GK5: variants seen among roughly 807,000 people sequenced by gnomAD.
GK5 encodes the protein glycerol kinase 5, also known as ATP:glycerol 3-phosphotransferase 5.
In GK5, 39 loss-of-function variants were observed where a neutral mutation model predicts 77.3. The observed-to-expected ratio is 0.50, with a 90% CI of 0.39 to 0.66. GK5 has a LOEUF of 0.66. Ranked by LOEUF, GK5 falls within the 30% of genes least tolerant of loss-of-function variation. GK5 has a pLI of 0.00. For synonymous variants in GK5, 211 were observed against 208.0 expected (o/e 1.01, Z -0.13); for missense variants, 487 against 633.8 (o/e 0.77, Z 2.49).
intron 10 of GK5, 80 bp downstream of exon 10, chr3:142,182,843 A>G (rs1253758067): frequency 3.2e-6 from 3 of 930,512 alleles, no homozygotes; most frequent in Non-Finnish European, 4.9e-6. Context: ...AAAATGGGAA[A>G]ATAGTATAAG....
chr3:142,177,285 C>T (rs1030208107), intron 12 of GK5, among the ~76,000 whole-genome samples, 197 bp downstream of exon 12: 7 of 152,208 alleles, frequency 4.6e-5, no homozygotes, highest in African/African-American at 1.7e-4. Flanking sequence ...GCCAGCAGGG[C>T]CACATTCAGG....
At chr3:142,218,273 C>T (rs2064299793) in intron 1 of GK5, among the ~76,000 whole-genome samples, 2 of 150,892 alleles carry the variant, frequency 1.3e-5, no homozygotes, top group South Asian at 4.2e-4. Flanking sequence ...TGGCTCACGC[C>T]TGTAATCCCA....
At chr3:142,168,632 T>C (rs1017120018) in intron 15 of GK5, among the ~76,000 whole-genome samples, 8 of 152,236 alleles carry the variant, frequency 5.3e-5, no homozygotes, top group African/African-American at 1.7e-4. Flanking sequence ...GCCCTTTAAA[T>C]TGACATGCCT....
At chr3:142,192,589 T>C (rs7349565) in intron 5 of GK5, among the ~76,000 whole-genome samples, 75,402 of 151,648 alleles carry the variant, frequency 0.5, 21,426 homozygotes, top group African/African-American at 0.79. Flanking sequence ...CATGATGAAA[T>C]CCCGTCTCTA....
intron 3 of GK5, among the ~76,000 whole-genome samples, chr3:142,205,113 C>T (rs1324018080): frequency 1.3e-5 from 2 of 152,154 alleles, no homozygotes; most frequent in Non-Finnish European, 2.9e-5. Context: ...TCCTGATACA[C>T]GTAATCCAAC....
rs748422710 is a variant in GK5, at chr3:142,186,445, T to A, written c.681+7A>T. On this transcript the variant is annotated splice_region_variant and intron_variant, in intron 7 of 15. Transcript: ENST00000392993. ...GTGATTCAAAAAGAAGAAAAAAAAA[T>A]TTTTACCTTATATGGGTCAAAAAGT... 3.2e-5 allele frequency: 48 copies of A among 1,486,898 alleles called. No homozygotes were observed. Among genetic ancestry groups the A allele is most frequent in the Middle Eastern group, 1.8e-4 (1 of 5,648 alleles). 92.1% of individuals were successfully genotyped at this position (1,486,898 alleles called of 1,614,324 possible).
In GK5 at chr3:142,161,675, T is replaced by G. The variant is rs2063426975; in HGVS notation, c.*3947A>C. On this transcript the variant is annotated 3_prime_UTR_variant, in exon 16 of 16. Coordinates refer to ENST00000392993, the MANE Select transcript of GK5 (RefSeq NM_001039547.3). ...GCAAAAAAGCAGGTCAAATCAAAGA[T>G]GATCTGCAGAATACATTAACCCTAC... 6.6e-6 allele frequency: 1 copy of G among 152,172 alleles called. No individual in the cohort carries two copies. The highest frequency in any genetic ancestry group is 2.1e-4 in the South Asian group (1 of 4,832). 9.4% of individuals were successfully genotyped at this position (152,172 alleles called of 1,614,324 possible). A position where few individuals can be genotyped will look rare whatever the true frequency, so the allele number is the denominator to read the frequency against.
chr3:142,193,152 C>T (rs771402481), intron 5 of GK5, among the ~76,000 whole-genome samples: 1 of 152,026 alleles, frequency 6.6e-6, no homozygotes, highest in Non-Finnish European at 1.5e-5. Flanking sequence ...CACCGTAATA[C>T]AAGATGCTAA....
intron 3 of GK5, among the ~76,000 whole-genome samples, chr3:142,210,504 G>A (rs111461663): frequency 3.9e-5 from 6 of 152,124 alleles, no homozygotes; most frequent in African/African-American, 7.2e-5. Context: ...AATAGGCTCC[G>A]CTCCATTATT....
chr3:142,198,258 A>G (rs567618041), intron 5 of GK5, among the ~76,000 whole-genome samples: 4 of 152,366 alleles, frequency 2.6e-5, no homozygotes, highest in African/African-American at 9.6e-5. Context: ...CAACATTGCT[A>G]TATGTCAAAA....
chr3:142,188,714 T>C (rs904692312), intron 5 of GK5, among the ~76,000 whole-genome samples: 2 of 152,254 alleles, frequency 1.3e-5, no homozygotes, highest in Admixed American at 6.5e-5. Context: ...AATTTCAGTG[T>C]CCATAAGTAA....
intron 3 of GK5, among the ~76,000 whole-genome samples, chr3:142,208,113 AT>A (rs1183434390): frequency 1.3e-5 from 2 of 152,122 alleles, no homozygotes; most frequent in Admixed American, 1.3e-4. Flanking sequence ...CAATGACTAA[AT>A]TTTTTCAGAC....
At chr3:142,178,145 G>A (rs181457653) in intron 11 of GK5, among the ~76,000 whole-genome samples, 320 of 152,094 alleles carry the variant, frequency 2.1e-3, no homozygotes, top group Non-Finnish European at 3.6e-3. Flanking sequence ...GGCGTGAGCC[G>A]CCACACCTGG....
chr3:142,181,778 T>C (rs1230404953), intron 10 of GK5, among the ~76,000 whole-genome samples: 1 of 152,190 alleles, frequency 6.6e-6, no homozygotes, highest in Non-Finnish European at 1.5e-5. Context: ...CAAAACGGCC[T>C]ACCTCAGAGA....
intron 4 of GK5, among the ~76,000 whole-genome samples, chr3:142,202,052 T>C (rs994279685): frequency 1.3e-5 from 2 of 152,116 alleles, no homozygotes; most frequent in Non-Finnish European, 2.9e-5. Context: ...CCCGTGCATG[T>C]ACAATGGCCT....
At chr3:142,191,452 C>T (rs2063849374) in intron 5 of GK5, among the ~76,000 whole-genome samples, 2 of 151,968 alleles carry the variant, frequency 1.3e-5, no homozygotes, top group Non-Finnish European at 2.9e-5. Flanking sequence ...CACCTGTAGC[C>T]CAGCACTTTG....
intron 1 of GK5, among the ~76,000 whole-genome samples, chr3:142,218,952 C>A (rs752073818): frequency 1.3e-5 from 2 of 152,138 alleles, no homozygotes; most frequent in African/African-American, 2.4e-5. Context: ...AAGCACTCCA[C>A]TAAAGAAAAC....
intron 12 of GK5, among the ~76,000 whole-genome samples, chr3:142,175,264 G>C (rs1337967512): frequency 6.6e-6 from 1 of 152,140 alleles, no homozygotes; most frequent in Non-Finnish European, 1.5e-5. Context: ...AGCCATAATG[G>C]TTGCACTAAC....
chr3:142,207,909 C>G (rs1280002441), intron 3 of GK5, among the ~76,000 whole-genome samples: 1 of 152,164 alleles, frequency 6.6e-6, no homozygotes, highest in African/African-American at 2.4e-5. Flanking sequence ...TTACCTAGAT[C>G]ATGAGCATGT....
Sources: allele counts gnomAD v4.1 joint callset (sites outside exome capture counted in the v4.1 genomes callset), GRCh38; gene constraint gnomAD v4.1.1; transcripts MANE v1.5; gene names NCBI Gene and HGNC (gene_info 2026-07-23, HGNC 2026-07-21).